Variants in CRACDL observed in about 807,000 individuals in gnomAD.
CRACDL encodes the protein CRACD like.
CRACDL carries 26 observed loss-of-function variants against 70.6 expected under a neutral mutation model. The ratio of observed to expected loss-of-function variants is 0.37; its 90% confidence interval spans 0.27 to 0.51. The LOEUF (loss-of-function observed/expected upper bound fraction) is 0.51. Ranked by LOEUF, CRACDL falls within the 20% of genes least tolerant of loss-of-function variation. CRACDL has a pLI of 0.94. For missense variants in CRACDL, 1,283 were observed against 1,376.9 expected (o/e 0.93, Z 1.08); for synonymous variants, 618 against 615.2 (o/e 1.00, Z -0.07).
chr2:98,817,281 TC>T (rs1423959454), intron 7 of CRACDL, among the ~76,000 whole-genome samples: 2 of 152,194 alleles, frequency 1.3e-5, no homozygotes, highest in African/African-American at 4.8e-5. Context: ...AGAGATCTGC[TC>T]TATAACACTG....
Position 98,822,123 on chromosome 2 carries a change from C to T in CRACDL, c.2150G>A (p.Arg717Lys). ...CTCCTTCGGGAGCACGGTCAGCGAC[C>T]TTTCTAACCGGACCTCGGCACTGTA... The part of the protein sequence containing the change: ...KRYSAEVRLE[R>K]SLTVLPKEEK... Residue 717 changes from arginine (R) to lysine (K), a missense_variant, in exon 7 of 10, where the codon AGG becomes AAG. By Grantham distance (26) the Arg-to-Lys change is conservative. Coordinates refer to ENST00000397899, the MANE Select transcript of CRACDL (RefSeq NM_207362.3). The surrounding 1 kb of genome is among the most constrained non-coding windows in gnomAD (Gnocchi z 4.9). 1 of 1,590,742 alleles carries T rather than the reference C, an allele frequency of 6.3e-7. No homozygotes were observed.
rs915274078 is a variant in CRACDL at position 98,822,638 on chromosome 2, G to C, written c.1635C>G (p.Ala545=). The C allele has an allele frequency of 8.7e-5, 119 of 1,363,626 alleles. No homozygotes were observed. Among genetic ancestry groups the C allele is most frequent in the Non-Finnish European group, 1.0e-4 (110 of 1,068,008 alleles). The allele number at this position is 1,363,626 out of a possible 1,614,324, so 84.5% of individuals were successfully genotyped here. A position where few individuals can be genotyped will look rare whatever the true frequency, so the allele number is the denominator to read the frequency against. Residue 545 remains alanine, a synonymous_variant, in exon 7 of 10, where the codon GCC becomes GCG. Coordinates refer to ENST00000397899, the MANE Select transcript of CRACDL (RefSeq NM_207362.3). This position sits in a 1 kb window ranked among gnomAD's most constrained non-coding sequence, Gnocchi z 4.9. ...AAPERPKAER[A]EAPPAGAERA... ...TCTCGGCGCCCGCCGGTGGCGCCTC[G>C]GCTCGCTCGGCCTTGGGGCGCTCCG...
Position 98,822,649 on chromosome 2 carries a change from C to T in CRACDL, c.1624G>A (p.Ala542Thr). ...GCCGGTGGCGCCTCGGCTCGCTCGG[C>T]CTTGGGGCGCTCCGGGGCGGCGGCC... ...AEAAAPERPKAERAEAPPAGA... is the reference protein window; with the variant it reads ...AEAAAPERPKTERAEAPPAGA... Residue 542 changes from alanine to threonine, a missense_variant, in exon 7 of 10, where the codon GCC becomes ACC. Transcript: ENST00000397899. The surrounding 1 kb of genome is among the most constrained non-coding windows in gnomAD (Gnocchi z 4.9). 3.1e-6 allele frequency: 4 copies of T among 1,300,338 alleles called. No homozygotes were observed. Among genetic ancestry groups the T allele is most frequent in the Non-Finnish European group, 3.9e-6 (4 of 1,029,480 alleles). The allele number at this position is 1,300,338 out of a possible 1,614,324, so 80.6% of individuals were successfully genotyped here. A position where few individuals can be genotyped will look rare whatever the true frequency, so the allele number is the denominator to read the frequency against.
chr2:98,868,333 C>T (rs1406178431), intron 1 of CRACDL, among the ~76,000 whole-genome samples: 1 of 151,778 alleles, frequency 6.6e-6, no homozygotes, highest in Non-Finnish European at 1.5e-5. Flanking sequence ...TCGCCCAGCT[C>T]AAGTGATGTG....
intron 1 of CRACDL, among the ~76,000 whole-genome samples, chr2:98,874,773 C>T (rs1029738762): frequency 6.6e-6 from 1 of 152,182 alleles, no homozygotes; most frequent in Non-Finnish European, 1.5e-5. Flanking sequence ...AGAGGTAGCC[C>T]AAGGCACAGG....
rs565506266 is a variant in CRACDL, at chr2:98,847,324, T to A, written c.-10-514A>T. Among the ~76,000 whole-genome samples the A allele has an allele frequency of 8.0e-4, 122 of 152,366 alleles. 1 individual carries two copies. The highest frequency in any genetic ancestry group is 3.4e-3 in the Middle Eastern group (1 of 294). Reference sequence around the variant, plus strand: ...TACTTACACCACATCATTAAAATTATTCACGTGTTATTTTAATGGCTACCT... The same window carrying A: ...TACTTACACCACATCATTAAAATTAATCACGTGTTATTTTAATGGCTACCT... On this transcript the variant is annotated intron_variant, in intron 1 of 9. Coordinates refer to ENST00000397899, the MANE Select transcript of CRACDL (RefSeq NM_207362.3).
At chr2:98,910,019 T>C (rs537422746) in intron 1 of CRACDL, among the ~76,000 whole-genome samples, 5 of 152,120 alleles carry the variant, frequency 3.3e-5, no homozygotes, top group Non-Finnish European at 5.9e-5. Context: ...AGTAACGCCA[T>C]CTCTCCCACA....
chr2:98,840,025 T>G (rs1010690620), intron 2 of CRACDL, among the ~76,000 whole-genome samples: 1 of 152,170 alleles, frequency 6.6e-6, no homozygotes, highest in Non-Finnish European at 1.5e-5. Flanking sequence ...TGTTCTTATC[T>G]TTATTCTTTC....
chr2:98,801,001 G>A (rs1277288174), intron 7 of CRACDL, among the ~76,000 whole-genome samples: 2 of 152,272 alleles, frequency 1.3e-5, no homozygotes, highest in Admixed American at 6.5e-5. Context: ...GGGTGCCCTG[G>A]CTGGGCCAGG....
chr2:98,831,439 C>T (rs1237349583), intron 5 of CRACDL, among the ~76,000 whole-genome samples: 3 of 152,140 alleles, frequency 2.0e-5, no homozygotes, highest in African/African-American at 7.2e-5. Context: ...ACGAAGCTCC[C>T]CCTTCACTGT....
At chr2:98,928,894 A>C (rs1708997456) in intron 1 of CRACDL, among the ~76,000 whole-genome samples, 1 of 152,196 alleles carries the variant, frequency 6.6e-6, no homozygotes, top group African/African-American at 2.4e-5. Flanking sequence ...CAACCATCCA[A>C]AACTACATGG....
chr2:98,831,608 C>T (rs1289945358), intron 5 of CRACDL, among the ~76,000 whole-genome samples: 2 of 152,246 alleles, frequency 1.3e-5, no homozygotes, highest in Non-Finnish European at 2.9e-5. Flanking sequence ...AGGATGACCA[C>T]CTATTTTTAA....
At chr2:98,837,206 GAAA>G (rs34735420) in intron 3 of CRACDL, among the ~76,000 whole-genome samples, 13 of 113,824 alleles carry the variant, frequency 1.1e-4, no homozygotes, top group South Asian at 2.9e-4. Flanking sequence ...ACCCAAAACT[GAAA>G]AAAAAAAAAA....
At chr2:98,899,107 G>A (rs1237576017) in intron 1 of CRACDL, among the ~76,000 whole-genome samples, 2 of 152,140 alleles carry the variant, frequency 1.3e-5, no homozygotes, top group African/African-American at 4.8e-5. Flanking sequence ...TGTCTGGGAT[G>A]TGCCCCTCCC....
At chr2:98,885,664 C>T (rs1707780223) in intron 1 of CRACDL, among the ~76,000 whole-genome samples, 1 of 152,112 alleles carries the variant, frequency 6.6e-6, no homozygotes, top group South Asian at 2.1e-4. Context: ...AACTGGAGCT[C>T]TCACTTGGCA....
chr2:98,820,197 T>G (rs72958653), intron 7 of CRACDL, among the ~76,000 whole-genome samples: 1,855 of 152,144 alleles, frequency 0.012, 39 homozygotes, highest in African/African-American at 0.043. Flanking sequence ...AACTTATTTG[T>G]GTAGTTTCAT....
Position 98,846,792 on chromosome 2 carries a change from G to A in CRACDL, c.9C>T (p.Ser3=). 1.2e-6 allele frequency: 2 copies of A among 1,614,074 alleles called. No homozygotes were observed. Among genetic ancestry groups the A allele is most frequent in the Non-Finnish European group, 1.7e-6 (2 of 1,179,922 alleles). Reference sequence around the variant, plus strand: ...GAAGCTTAATGTCCATCACCCTTGTGGAAATCATGTCAAGCTCGCTGAAAT... The same window carrying A: ...GAAGCTTAATGTCCATCACCCTTGTAGAAATCATGTCAAGCTCGCTGAAAT... MI[S]TRVMDIKLRE... is the part of the protein sequence containing the mutation. Residue 3 remains serine, a synonymous_variant, in exon 2 of 10, where the codon TCC becomes TCT. Transcript: ENST00000397899.
chr2:98,933,982 G>A (rs1488847622), intron 1 of CRACDL, among the ~76,000 whole-genome samples: 4 of 152,134 alleles, frequency 2.6e-5, no homozygotes, highest in African/African-American at 9.7e-5. Flanking sequence ...CTCACATGGT[G>A]GAAGGGACGA....
chr2:98,843,175 C>T (rs1706109936), intron 2 of CRACDL, among the ~76,000 whole-genome samples: 1 of 152,110 alleles, frequency 6.6e-6, no homozygotes, highest in South Asian at 2.1e-4. Context: ...TCATATGCTT[C>T]TTTGCCATTT....
Sources: allele counts gnomAD v4.1 joint callset (sites outside exome capture counted in the v4.1 genomes callset), GRCh38; gene constraint gnomAD v4.1.1; non-coding constraint Gnocchi (gnomAD v3.1); transcripts MANE v1.5; gene names NCBI Gene and HGNC (gene_info 2026-07-23, HGNC 2026-07-21).